CYRIA: variants seen among roughly 807,000 people sequenced by gnomAD.
The protein encoded by CYRIA is CYFIP related Rac1 interactor A.
Under a neutral mutation model 43.9 loss-of-function variants are expected in CYRIA, and 15 were observed. The ratio of observed to expected loss-of-function variants is 0.34; its 90% CI spans 0.23 to 0.53. The LOEUF is 0.53. Ranked by LOEUF, CYRIA falls within the 20% of genes least tolerant of loss-of-function variation. The pLI, the probability that CYRIA is intolerant of heterozygous loss-of-function variation, is 0.94. For synonymous variants in CYRIA, 117 were observed against 136.0 expected (o/e 0.86, Z 0.97); for missense variants, 236 against 394.2 (o/e 0.60, Z 3.40).
chr2:16,564,785 C>A (rs916954176), intron 4 of CYRIA, among the ~76,000 whole-genome samples: 8 of 152,080 alleles, frequency 5.3e-5, no homozygotes, highest in African/African-American at 7.2e-5. Flanking sequence ...TAAGGTATTG[C>A]GAAGTTGCAA....
At chr2:16,641,216 C>G (rs1008962277) in intron 1 of CYRIA, among the ~76,000 whole-genome samples, 1 of 152,156 alleles carries the variant, frequency 6.6e-6, no homozygotes, top group African/African-American at 2.4e-5. Flanking sequence ...AATGATTCCT[C>G]CACTGACTAA....
chr2:16,629,268 C>A (rs1482638268), intron 1 of CYRIA, among the ~76,000 whole-genome samples: 3 of 152,210 alleles, frequency 2.0e-5, no homozygotes, highest in African/African-American at 7.2e-5. Flanking sequence ...GAGTGAGCAG[C>A]TCTAACCTGG....
intron 3 of CYRIA, among the ~76,000 whole-genome samples, chr2:16,581,725 T>C (rs1375659056): frequency 6.6e-6 from 1 of 152,182 alleles, no homozygotes; most frequent in Non-Finnish European, 1.5e-5. Flanking sequence ...ACCCAAGGAA[T>C]ATAATGCCCA....
chr2:16,592,850 T>A (rs1667976276), intron 2 of CYRIA, among the ~76,000 whole-genome samples: 1 of 152,198 alleles, frequency 6.6e-6, no homozygotes, highest in South Asian at 2.1e-4. Context: ...AACCTGTTTG[T>A]ATTTTCTGAA....
chr2:16,581,325 T>C (rs1667542045), intron 3 of CYRIA, among the ~76,000 whole-genome samples: 1 of 152,158 alleles, frequency 6.6e-6, no homozygotes, highest in Admixed American at 6.5e-5. Context: ...TAAGCAACTA[T>C]ACAATAAGCA....
intron 3 of CYRIA, among the ~76,000 whole-genome samples, chr2:16,572,805 T>A (rs1210337701): frequency 6.6e-6 from 1 of 151,984 alleles, no homozygotes; most frequent in Non-Finnish European, 1.5e-5. Context: ...GAAAACCATT[T>A]TTTTCAGCCA....
intron 3 of CYRIA, among the ~76,000 whole-genome samples, chr2:16,582,549 C>T (rs1487348392): frequency 1.7e-4 from 26 of 152,162 alleles, no homozygotes; most frequent in Admixed American, 1.7e-3. Context: ...CGGGCCTAGA[C>T]AATTAATCTT....
intron 3 of CYRIA, among the ~76,000 whole-genome samples, chr2:16,574,830 C>G (rs945405714): frequency 6.6e-6 from 1 of 152,324 alleles, no homozygotes; most frequent in Non-Finnish European, 1.5e-5. Flanking sequence ...CATGGAGAAC[C>G]TCTGCTAGGG....
chr2:16,665,348 G>A (rs1432199238), intron 1 of CYRIA, among the ~76,000 whole-genome samples: 1 of 152,028 alleles, frequency 6.6e-6, no homozygotes, highest in African/African-American at 2.4e-5. Flanking sequence ...CAGGGGCTGG[G>A]GAGGGGGCCA....
intron 3 of CYRIA, among the ~76,000 whole-genome samples, chr2:16,567,406 AAACAACAAC>A (rs982068440): frequency 6.6e-6 from 1 of 152,092 alleles, no homozygotes; most frequent in Admixed American, 6.5e-5. Context: ...CCATCTCAAA[AAACAACAAC>A]AACAACAACA....
intron 3 of CYRIA, among the ~76,000 whole-genome samples, chr2:16,566,936 TATCCAG>T (rs1666953954): frequency 6.6e-6 from 1 of 152,188 alleles, no homozygotes; most frequent in Admixed American, 6.5e-5. Flanking sequence ...TGTTTTCAAA[TATCCAG>T]ATCCTGAGGC....
intron 3 of CYRIA, among the ~76,000 whole-genome samples, chr2:16,578,771 G>C (rs1015360071): frequency 1.3e-4 from 20 of 152,090 alleles, no homozygotes; most frequent in African/African-American, 4.6e-4. Context: ...TCTGAGATCT[G>C]TGAAGCAATG....
Position 16,564,350 on chromosome 2 carries a change from A to G in CYRIA, c.193-256T>C, listed in dbSNP as rs112572514. Among the ~76,000 whole-genome samples the G allele has an allele frequency of 8.7e-3, 1,331 of 152,308 alleles. 12 individuals carry two copies. The highest frequency in any genetic ancestry group is 0.011 in the Non-Finnish European group (761 of 68,016). ...GTTTCTATTATCTTGAATACAAAAAATTCACATCTAAATTGGAAGAAACTC... is the reference window on the plus strand; with the variant it reads ...GTTTCTATTATCTTGAATACAAAAAGTTCACATCTAAATTGGAAGAAACTC... On this transcript the variant is annotated intron_variant, in intron 4 of 11. Transcript: ENST00000381323.
intron 2 of CYRIA, among the ~76,000 whole-genome samples, chr2:16,592,612 C>T (rs1202277184): frequency 6.6e-6 from 1 of 152,106 alleles, no homozygotes; most frequent in Non-Finnish European, 1.5e-5. Flanking sequence ...CTGGGACTAA[C>T]TTGCAGGGAT....
At chr2:16,617,726 TTGG>T (rs919664317) in intron 2 of CYRIA, among the ~76,000 whole-genome samples, 25 of 152,302 alleles carry the variant, frequency 1.6e-4, no homozygotes, top group African/African-American at 6.0e-4. Context: ...GGGCTTCCTG[TTGG>T]TGGTGATTTA....
intron 1 of CYRIA, among the ~76,000 whole-genome samples, chr2:16,649,611 G>T (rs566662079): frequency 2.6e-5 from 4 of 152,058 alleles, no homozygotes; most frequent in Non-Finnish European, 2.9e-5. Context: ...ACAGGGCATG[G>T]TTGTACAGTA....
intron 3 of CYRIA, among the ~76,000 whole-genome samples, chr2:16,574,120 A>C (rs1667239717): frequency 6.6e-6 from 1 of 152,164 alleles, no homozygotes; most frequent in African/African-American, 2.4e-5. Flanking sequence ...TCTCAGGTGG[A>C]GATGAAAAAC....
chr2:16,593,937 C>T (rs1163274149), intron 2 of CYRIA, among the ~76,000 whole-genome samples: 12 of 117,642 alleles, frequency 1.0e-4, no homozygotes, highest in African/African-American at 3.2e-4. Flanking sequence ...TCCATGTGAT[C>T]TCATTGTTCA....
At position 16,616,579 on chromosome 2, in the gene CYRIA, G is replaced by A. The variant is rs116753571; in HGVS notation, c.-11+7285C>T. ...GTGTCACACACTAGGGATGTCTGCC[G>A]GGTGTTCATCCTGATATCCGTCAGG... On this transcript the variant is annotated intron_variant, in intron 2 of 11. Transcript: ENST00000381323. 4.0e-3 allele frequency among the ~76,000 whole-genome samples: 613 copies of A among 152,310 alleles called. 5 individuals carry two copies. The highest frequency in any genetic ancestry group is 0.014 in the African/African-American group (580 of 41,564).
Sources: allele counts gnomAD v4.1 joint callset (sites outside exome capture counted in the v4.1 genomes callset), GRCh38; gene constraint gnomAD v4.1.1; transcripts MANE v1.5; gene names NCBI Gene and HGNC (gene_info 2026-07-23, HGNC 2026-07-21).